Variants in USP37 observed in about 807,000 individuals in gnomAD.
USP37 encodes ubiquitin specific peptidase 37, also known as ubiquitin carboxyl-terminal hydrolase 37.
USP37 carries 27 observed loss-of-function variants against 124.0 expected under a neutral mutation model. The ratio of observed to expected loss-of-function variants is 0.22; its 90% confidence interval spans 0.16 to 0.30. USP37 has a LOEUF of 0.30. Among genes scored for constraint, USP37 ranks in the 10% least tolerant of loss-of-function variants. USP37 has a pLI of 1.00. For missense variants in USP37, 889 were observed against 1,140.4 expected, an observed-to-expected ratio of 0.78 and a Z score of 3.17; for synonymous variants, 365 against 388.0, an observed-to-expected ratio of 0.94 and a Z score of 0.70.
chr2:218,526,140 A>T (rs1341591097), intron 10 of USP37, among the ~76,000 whole-genome samples: 1 of 152,244 alleles, frequency 6.6e-6, no homozygotes, highest in African/African-American at 2.4e-5. Flanking sequence ...ATAGTGCTGC[A>T]GTGAACATAT....
chr2:218,478,424 C>T (rs1186310961), intron 18 of USP37, among the ~76,000 whole-genome samples: 2 of 152,190 alleles, frequency 1.3e-5, no homozygotes, highest in Admixed American at 6.5e-5. Flanking sequence ...GCTACCATTG[C>T]ACCAGGGTAA....
chr2:218,547,898 A>C (rs1299399748), intron 6 of USP37, among the ~76,000 whole-genome samples: 1 of 152,236 alleles, frequency 6.6e-6, no homozygotes, highest in Non-Finnish European at 1.5e-5. Context: ...GCATTAGCTG[A>C]GAAATACAGC....
chr2:218,534,475 C>A, intron 9 of USP37, 134 bp downstream of exon 9: 1 of 358,420 alleles, frequency 2.8e-6, no homozygotes, highest in East Asian at 7.6e-5. Context: ...GGCGACAGAG[C>A]AAGACTCCGT....
chr2:218,553,573 T>C lies in USP37; in HGVS notation c.308A>G (p.His103Arg). The change falls in exon 5 of 26, where the codon CAT (histidine) becomes CGT (arginine). Residue 103 changes from histidine (H) to arginine (R), a missense_variant. Physicochemically the swap from His to Arg is conservative, Grantham distance 29 (BLOSUM62 0). Coordinates refer to ENST00000258399, the MANE Select transcript of USP37 (RefSeq NM_020935.3). Reference protein sequence around the residue: ...EEMRLFLDAVHQNRLPAAMKP... With the variant: ...EEMRLFLDAVRQNRLPAAMKP... The stretch of plus-strand genomic sequence containing the variant: ...CTCACCTGCAGGAAGTCTGTTTTGA[T>C]GGACTGCATCTAGAAACAACCTCAT... The C allele has an allele frequency of 2.5e-6, 4 of 1,613,456 alleles. No homozygotes were observed. Among genetic ancestry groups the C allele is most frequent in the Non-Finnish European group, 3.4e-6 (4 of 1,179,658 alleles).
chr2:218,550,754 T>G (rs1348249767), intron 5 of USP37, among the ~76,000 whole-genome samples: 1 of 152,066 alleles, frequency 6.6e-6, no homozygotes, highest in Non-Finnish European at 1.5e-5. Flanking sequence ...AATTTTTTCA[T>G]GTGTAAGGGC....
At chr2:218,536,420 T>C (rs1305169762) in intron 8 of USP37, among the ~76,000 whole-genome samples, 1 of 152,188 alleles carries the variant, frequency 6.6e-6, no homozygotes, top group African/African-American at 2.4e-5. Flanking sequence ...GGGCTCTTCT[T>C]CACAGGACTG....
chr2:218,474,899 T>C lies in USP37; in HGVS notation c.2044-14A>G, dbSNP rs749267427. 6.2e-6 allele frequency: 10 copies of C among 1,600,768 alleles called. No homozygotes were observed. The Admixed American group carries it at 1.6e-4, about 25-fold the overall frequency. The stretch of plus-strand genomic sequence containing the variant: ...TAATTTTGAATCCTGAAGAAGAGAG[T>C]TACTTTTAGAAGAAACCAGAATACC... On this transcript the variant is annotated splice_polypyrimidine_tract_variant and intron_variant, in intron 19 of 25. Transcript: ENST00000258399.
rs1032243577 is a variant in USP37, at chr2:218,475,546, C to T, written c.2044-661G>A. 2.0e-5 allele frequency among the ~76,000 whole-genome samples: 3 copies of T among 152,110 alleles called. No individual in the cohort carries two copies. The East Asian group carries it at 5.8e-4, about 29-fold the overall frequency. On this transcript the variant is annotated intron_variant, in intron 19 of 25. Coordinates refer to ENST00000258399, the MANE Select transcript of USP37 (RefSeq NM_020935.3). ...GGCCAGGAGTTCGAGATCAGCCTGGCCAACATGGATAAACTCCATCTCTAC... is the reference window on the plus strand; with the variant it reads ...GGCCAGGAGTTCGAGATCAGCCTGGTCAACATGGATAAACTCCATCTCTAC...
Position 218,474,708 on chromosome 2 carries a change from C to A in USP37, c.2221G>T (p.Ala741Ser). ...KPTSSPDTGF[A>S]EDDIQEMPEN... Reference sequence around the variant, plus strand: ...GGCATTTCTTGAATATCATCTTCTGCAAATCCGGTATCTGGGCTGCTAGTT... The same window carrying A: ...GGCATTTCTTGAATATCATCTTCTGAAAATCCGGTATCTGGGCTGCTAGTT... Residue 741 changes from alanine to serine, a missense_variant, in exon 20 of 26, where the codon GCA becomes TCA. Physicochemically the swap from Ala to Ser is moderately conservative, Grantham distance 99. Around this residue, in one of 3 missense-constraint regions of USP37, gnomAD observed 504 missense variants for 714.3 expected, o/e 0.71. Coordinates refer to ENST00000258399, the MANE Select transcript of USP37 (RefSeq NM_020935.3). 1 of 1,614,112 alleles carries A rather than the reference C, an allele frequency of 6.2e-7. No homozygotes were observed. The highest frequency in any genetic ancestry group is 1.1e-5 in the South Asian group (1 of 91,076).
chr2:218,463,530 CTTTTTTTTTTTT>C (rs778154896), intron 21 of USP37, among the ~76,000 whole-genome samples, 164 bp from the exon 22 acceptor site: 3 of 99,098 alleles, frequency 3.0e-5, no homozygotes, highest in African/African-American at 1.3e-4. Context: ...AAGTTCTTTA[CTTTTTTTTTTTT>C]TTTTTTTTTT....
intron 4 of USP37, among the ~76,000 whole-genome samples, chr2:218,554,817 A>T (rs1240803986): frequency 6.6e-6 from 1 of 152,204 alleles, no homozygotes; most frequent in Non-Finnish European, 1.5e-5. Context: ...ACATTTGGCA[A>T]ATTATTTAGG....
chr2:218,549,662 A>C (rs1264830497), intron 6 of USP37, 147 bp downstream of exon 6: 1 of 539,684 alleles, frequency 1.9e-6, no homozygotes, highest in Non-Finnish European at 3.1e-6. Context: ...ATGGGGTTTC[A>C]CCATGTTGGC....
chr2:218,456,679 T>C (rs932675098), intron 24 of USP37, among the ~76,000 whole-genome samples: 2 of 151,794 alleles, frequency 1.3e-5, no homozygotes, highest in Non-Finnish European at 2.9e-5. Context: ...GAAAAACTTA[T>C]ACTTCGTGGG....
Position 218,557,205 on chromosome 2 carries a change from A to G in USP37, c.156+1293T>C, listed in dbSNP as rs910299297. Among the ~76,000 whole-genome samples the G allele has an allele frequency of 6.6e-5, 10 of 152,332 alleles. No homozygotes were observed. In the South Asian group the frequency reaches 1.9e-3, roughly 28 times the overall value. ...CAATATCCATAGCAGTAACCTGTAC[A>G]TGGTTTTAACAAACGAATGCTGAAT... is the stretch of plus-strand genomic sequence containing the variant. On this transcript the variant is annotated intron_variant, in intron 4 of 25. Transcript: ENST00000258399.
chr2:218,483,825 C>T (rs1467975731), intron 16 of USP37, among the ~76,000 whole-genome samples: 1 of 152,122 alleles, frequency 6.6e-6, no homozygotes, highest in African/African-American at 2.4e-5. Context: ...TGGCCTCAAA[C>T]CACTCACAAA....
At chr2:218,506,229 A>G (rs1283151272) in intron 11 of USP37, among the ~76,000 whole-genome samples, 3 of 147,026 alleles carry the variant, frequency 2.0e-5, no homozygotes, top group Non-Finnish European at 4.5e-5. Context: ...GACACTAATT[A>G]TATGTAATAT....
intron 10 of USP37, chr2:218,528,701 T>G: frequency 4.6e-6 from 2 of 433,222 alleles, no homozygotes; most frequent in Non-Finnish European, 8.2e-6. Flanking sequence ...TACCCTCACT[T>G]TTTACATTTA....
chr2:218,465,161 T>C (rs1038431687), intron 21 of USP37, among the ~76,000 whole-genome samples: 1 of 152,208 alleles, frequency 6.6e-6, no homozygotes, highest in African/African-American at 2.4e-5. Context: ...GATAATTCTA[T>C]GTTCAAATAA....
chr2:218,564,171 T>C (rs1693463075), intron 1 of USP37, among the ~76,000 whole-genome samples: 1 of 152,232 alleles, frequency 6.6e-6, no homozygotes, highest in Admixed American at 6.5e-5. Flanking sequence ...CTCACTCTTA[T>C]CTACTCAAAT....
Sources: allele counts gnomAD v4.1 joint callset (sites outside exome capture counted in the v4.1 genomes callset), GRCh38; gene constraint gnomAD v4.1.1; regional missense constraint gnomAD v4.1.1; transcripts MANE v1.5; gene names NCBI Gene and HGNC (gene_info 2026-07-23, HGNC 2026-07-21).